The following EMCN variants were observed in gnomAD, a reference collection of about 807,000 sequenced individuals.
EMCN encodes the protein endomucin.
A neutral mutation model predicts 38.4 loss-of-function variants in EMCN; 37 were observed. The ratio of observed to expected loss-of-function variants is 0.96; its 90% confidence interval spans 0.74 to 1.27. The LOEUF is 1.27. Ranked by LOEUF, EMCN falls within the 50% of genes most tolerant of loss-of-function variation. The pLI, the probability that EMCN is intolerant of heterozygous loss-of-function variation, is 0.00. For synonymous variants in EMCN, 95 were observed against 100.8 expected (o/e 0.94, Z 0.35); for missense variants, 318 against 302.8 (o/e 1.05, Z -0.37).
chr4:100,407,217 T>C (rs1382538702), intron 11 of EMCN, among the ~76,000 whole-genome samples: 1 of 152,182 alleles, frequency 6.6e-6, no homozygotes, highest in Non-Finnish European at 1.5e-5. Context: ...TTTAGCCCAC[T>C]ACCATTCAAG....
At chr4:100,437,249 G>T (rs1429769941) in intron 5 of EMCN, among the ~76,000 whole-genome samples, 3 of 151,986 alleles carry the variant, frequency 2.0e-5, no homozygotes, top group African/African-American at 7.2e-5. Context: ...TCTATTCAGG[G>T]TATTTTGCCC....
intron 1 of EMCN, among the ~76,000 whole-genome samples, chr4:100,510,998 CA>C (rs2110310699): frequency 6.6e-6 from 1 of 152,282 alleles, no homozygotes; most frequent in Admixed American, 6.5e-5. Context: ...ATTAAGAAAA[CA>C]TTATTGCTAG....
At position 100,445,124 on chromosome 4, in the gene EMCN, T is replaced by C. The variant is rs79477008; in HGVS notation, c.415+2409A>G. On this transcript the variant is annotated intron_variant, in intron 5 of 11. Transcript: ENST00000296420. ...CAGTGGTCTACAGGATTTCTGCTGCTGTTCTCCAGAGCTTTCCTTTAGTTA... is the reference window on the plus strand; with the variant it reads ...CAGTGGTCTACAGGATTTCTGCTGCCGTTCTCCAGAGCTTTCCTTTAGTTA... Among the ~76,000 whole-genome samples, 542 of 152,298 alleles carry C rather than the reference T, an allele frequency of 3.6e-3. 6 individuals are homozygous for C. The highest frequency in any genetic ancestry group is 0.012 in the African/African-American group (513 of 41,564).
intron 5 of EMCN, among the ~76,000 whole-genome samples, chr4:100,437,854 T>TA (rs1172819858): frequency 2.6e-5 from 4 of 152,160 alleles, no homozygotes; most frequent in Non-Finnish European, 5.9e-5. Context: ...ACTTTTTTTT[T>TA]ATTTTCAGAA....
intron 4 of EMCN, among the ~76,000 whole-genome samples, chr4:100,463,732 G>C (rs1181728300): frequency 6.6e-6 from 1 of 152,034 alleles, no homozygotes; most frequent in Non-Finnish European, 1.5e-5. Context: ...CATATTTACT[G>C]TAAGTGGAAT....
chr4:100,433,775 A>T (rs893341297), intron 5 of EMCN, among the ~76,000 whole-genome samples: 1 of 152,008 alleles, frequency 6.6e-6, no homozygotes, highest in East Asian at 1.9e-4. Flanking sequence ...ACCTCAGGTG[A>T]TCCTCCTGCC....
At chr4:100,517,576 A>G (rs540445907) in intron 1 of EMCN, among the ~76,000 whole-genome samples, 1 of 152,030 alleles carries the variant, frequency 6.6e-6, no homozygotes, top group Non-Finnish European at 1.5e-5. Flanking sequence ...AGATTTTTAT[A>G]CTCTAAAGAG....
intron 1 of EMCN, among the ~76,000 whole-genome samples, chr4:100,497,924 A>C (rs572123167): frequency 6.6e-6 from 1 of 152,322 alleles, no homozygotes; most frequent in South Asian, 2.1e-4. Context: ...GAAATGAGTC[A>C]TTAATATGGT....
intron 5 of EMCN, among the ~76,000 whole-genome samples, chr4:100,441,071 G>A (rs1292348591): frequency 6.6e-6 from 1 of 151,834 alleles, no homozygotes; most frequent in Admixed American, 6.6e-5. Context: ...CTGGGCAACA[G>A]AGTGAGACTC....
intron 7 of EMCN, among the ~76,000 whole-genome samples, chr4:100,421,635 G>T (rs1164451859): frequency 1.3e-5 from 2 of 151,998 alleles, no homozygotes; most frequent in African/African-American, 4.8e-5. Flanking sequence ...TCTTCCTGGA[G>T]ACTGAAGAAG....
intron 4 of EMCN, among the ~76,000 whole-genome samples, chr4:100,455,565 C>A (rs1361783376): frequency 6.8e-6 from 1 of 146,484 alleles, no homozygotes; most frequent in Admixed American, 6.9e-5. Flanking sequence ...TTCTGGCATG[C>A]ATTGTTCCTG....
chr4:100,481,934 T>C (rs1005305173), intron 1 of EMCN, among the ~76,000 whole-genome samples: 38 of 151,704 alleles, frequency 2.5e-4, no homozygotes, highest in Admixed American at 2.5e-3. Flanking sequence ...TCCTTCCTCC[T>C]TCCTTCTTTC....
At chr4:100,494,261 G>A (rs1207938072) in intron 1 of EMCN, among the ~76,000 whole-genome samples, 4 of 152,132 alleles carry the variant, frequency 2.6e-5, no homozygotes, top group African/African-American at 7.2e-5. Flanking sequence ...CTTGTGGTGG[G>A]TTAATTAAAG....
intron 1 of EMCN, among the ~76,000 whole-genome samples, chr4:100,491,092 T>A (rs1729065010): frequency 6.6e-6 from 1 of 152,226 alleles, no homozygotes; most frequent in Non-Finnish European, 1.5e-5. Flanking sequence ...GCAAATATTT[T>A]CTCCCTATCT....
At chr4:100,443,278 T>C (rs150359756) in intron 5 of EMCN, among the ~76,000 whole-genome samples, 1 of 152,372 alleles carries the variant, frequency 6.6e-6, no homozygotes, top group African/African-American at 2.4e-5. Context: ...TGTCCCTGCA[T>C]TGATGTCTGC....
intron 1 of EMCN, among the ~76,000 whole-genome samples, chr4:100,489,667 A>C (rs1412703274): frequency 5.3e-5 from 8 of 152,216 alleles, no homozygotes. Context: ...TCTGATAATG[A>C]TAATAAATGA....
Position 100,415,926 on chromosome 4 carries a change from A to C in EMCN, c.723T>G (p.Leu241=), listed in dbSNP as rs748889817. 6.3e-7 allele frequency: 1 copy of C among 1,591,872 alleles called. No homozygotes were observed. Among genetic ancestry groups the C allele is most frequent in the South Asian group, 1.2e-5 (1 of 85,788 alleles). Residue 241 remains leucine (L), a synonymous_variant, in exon 10 of 12, where the codon CTT becomes CTG. Transcript: ENST00000296420. ...PQSDKESVKL[L]TVKTISHESG... ...ACTCATGAGAAATTGTCTTAACGGT[A>C]AGAAGCTTCACGCTCTCTTTATCAG...
intron 5 of EMCN, among the ~76,000 whole-genome samples, chr4:100,440,502 C>T (rs747791351): frequency 2.5e-4 from 38 of 152,050 alleles, no homozygotes; most frequent in Non-Finnish European, 3.7e-4. Flanking sequence ...TTGGTTTTCT[C>T]TTCCTGAGTT....
At chr4:100,420,907 A>T (rs1726869925) in intron 8 of EMCN, among the ~76,000 whole-genome samples, 1 of 152,022 alleles carries the variant, frequency 6.6e-6, no homozygotes, top group South Asian at 2.1e-4. Context: ...TGGGCCCCTG[A>T]GCTGAATTCT....
Sources: gnomAD v4.1 joint callset for allele counts (sites outside exome capture counted in the v4.1 genomes callset) on GRCh38, gnomAD v4.1.1 for gene constraint, MANE v1.5 for transcripts, NCBI Gene and HGNC (gene_info 2026-07-23, HGNC 2026-07-21) for gene names.